The following IL1RAPL2 variants were observed in gnomAD, a reference collection of about 807,000 sequenced individuals.
The protein encoded by IL1RAPL2 is X-linked interleukin-1 receptor accessory protein-like 2.
Under a neutral mutation model 44.1 loss-of-function variants are expected in IL1RAPL2, and 3 were observed. That is an observed-to-expected ratio of 0.07 (90% CI 0.03 to 0.18). The LOEUF is 0.18. Ranked by LOEUF, IL1RAPL2 falls within the 10% of genes least tolerant of loss-of-function variation. The pLI is 1.00. For missense variants in IL1RAPL2, 391 were observed against 496.4 expected (o/e 0.79, Z 2.02); for synonymous variants, 181 against 178.8 (o/e 1.01, Z -0.10).
At chrX:105,564,096 T>C (rs1299980170) in intron 6 of IL1RAPL2, among the ~76,000 whole-genome samples, 1 of 111,556 alleles carries the variant, frequency 9.0e-6, no homozygotes, top group Non-Finnish European at 1.9e-5. Context: ...TCTCACTTCA[T>C]CCTCACAGGG....
At chrX:104,609,531 G>T (rs1239240463) in intron 1 of IL1RAPL2, among the ~76,000 whole-genome samples, 1 of 111,912 alleles carries the variant, frequency 8.9e-6, no homozygotes, top group Non-Finnish European at 1.9e-5. Context: ...CATATTTTTT[G>T]GATGCTTTGC....
intron 5 of IL1RAPL2, among the ~76,000 whole-genome samples, chrX:105,436,052 AAAAT>A (rs2035880305): frequency 8.9e-6 from 1 of 111,732 alleles, no homozygotes; most frequent in Non-Finnish European, 1.9e-5. Context: ...ACTTAAAATA[AAAAT>A]AAATAAATAA....
intron 5 of IL1RAPL2, among the ~76,000 whole-genome samples, chrX:105,419,514 G>A (rs2035759281): frequency 9.0e-6 from 1 of 111,700 alleles, no homozygotes; most frequent in Non-Finnish European, 1.9e-5. Flanking sequence ...ATTGAGAATG[G>A]GGATGTTGTT....
chrX:105,291,655 C>T (rs1013455749), intron 5 of IL1RAPL2, among the ~76,000 whole-genome samples: 5 of 111,355 alleles, frequency 4.5e-5, no homozygotes, highest in African/African-American at 1.6e-4. Context: ...CTTTCTGCCT[C>T]CAACTCCTTA....
intron 5 of IL1RAPL2, among the ~76,000 whole-genome samples, chrX:105,464,895 A>T (rs1234642481): frequency 9.0e-6 from 1 of 111,029 alleles, no homozygotes; most frequent in Non-Finnish European, 1.9e-5. Context: ...GACAATTTAG[A>T]CACCCCAGTT....
chrX:104,786,811 C>T (rs1218890819), intron 2 of IL1RAPL2, among the ~76,000 whole-genome samples: 1 of 110,785 alleles, frequency 9.0e-6, no homozygotes, highest in South Asian at 3.9e-4. Flanking sequence ...ATTTGAGGTG[C>T]TAAGGAAACC....
intron 2 of IL1RAPL2, among the ~76,000 whole-genome samples, chrX:105,100,179 T>C (rs931077728): frequency 2.8e-4 from 31 of 112,151 alleles, no homozygotes; most frequent in African/African-American, 8.7e-4. Flanking sequence ...TAGATCTGTA[T>C]GTAGACGAAA....
rs1323819195 is a variant in IL1RAPL2 at position 105,406,474 on chromosome X, A to G, written c.698-77839A>G. The G allele has an allele frequency of 2.5e-6, 3 of 1,197,113 alleles. No individual in the cohort carries two copies. The African/African-American group carries it at 5.3e-5, about 21-fold the overall frequency. On this transcript the variant is annotated intron_variant, in intron 5 of 10. Transcript: ENST00000372582. ...CTCAACCACCGGAGGATCATTCACCAATATCCCGAAAGGAATTTGTCCGAT... is the reference window on the plus strand; with the variant it reads ...CTCAACCACCGGAGGATCATTCACCGATATCCCGAAAGGAATTTGTCCGAT...
intron 5 of IL1RAPL2, among the ~76,000 whole-genome samples, chrX:105,336,629 A>G (rs756636807): frequency 5.9e-4 from 66 of 111,714 alleles, no homozygotes; most frequent in African/African-American, 2.0e-3. Flanking sequence ...CCTGGGTAGC[A>G]TCTCTCAGCA....
At chrX:105,077,424 G>C (rs937204473) in intron 2 of IL1RAPL2, among the ~76,000 whole-genome samples, 88 of 112,049 alleles carry the variant, frequency 7.9e-4, no homozygotes, top group Non-Finnish European at 1.5e-3. Context: ...CTGTTAGTCT[G>C]ATGGGCTTCC....
At chrX:105,361,240 T>C (rs778268333) in intron 5 of IL1RAPL2, among the ~76,000 whole-genome samples, 9 of 111,133 alleles carry the variant, frequency 8.1e-5, no homozygotes, top group Non-Finnish European at 1.5e-4. Flanking sequence ...GATGCTGATA[T>C]AAGGGGGAAA....
intron 5 of IL1RAPL2, among the ~76,000 whole-genome samples, chrX:105,447,660 A>ATATTT (rs2035978416): frequency 1.2e-5 from 1 of 80,012 alleles, no homozygotes; most frequent in African/African-American, 5.1e-5. Context: ...AATATAAATA[A>ATATTT]ATATAAATAT....
chrX:104,815,396 C>T (rs1025988999), intron 2 of IL1RAPL2, among the ~76,000 whole-genome samples: 1 of 110,786 alleles, frequency 9.0e-6, no homozygotes, highest in African/African-American at 3.3e-5. Context: ...TGCCTGAATT[C>T]CTTGGACTGT....
intron 6 of IL1RAPL2, among the ~76,000 whole-genome samples, chrX:105,630,495 C>A (rs1334714482): frequency 1.2e-5 from 1 of 84,417 alleles, no homozygotes; most frequent in Non-Finnish European, 2.2e-5. Flanking sequence ...GCTTCAAATT[C>A]AGAGCTTTTT....
chrX:105,317,991 A>ATTTTG (rs1359620765), intron 5 of IL1RAPL2, among the ~76,000 whole-genome samples: 1 of 106,963 alleles, frequency 9.3e-6, no homozygotes, highest in East Asian at 2.9e-4. Flanking sequence ...TTTTTTTTTA[A>ATTTTG]AGACGAAGTC....
intron 2 of IL1RAPL2, among the ~76,000 whole-genome samples, chrX:104,730,027 T>C (rs1039872316): frequency 9.0e-6 from 1 of 110,784 alleles, no homozygotes; most frequent in Non-Finnish European, 1.9e-5. Context: ...GGAAAAAATA[T>C]TTAAAGCAAA....
chrX:105,313,049 T>C (rs1437385962), intron 5 of IL1RAPL2, among the ~76,000 whole-genome samples: 1 of 111,691 alleles, frequency 9.0e-6, no homozygotes, highest in East Asian at 2.8e-4. Context: ...TTGAAATTTG[T>C]GTTCATTCAA....
At chrX:105,240,546 TC>T (rs1321189306) in intron 4 of IL1RAPL2, among the ~76,000 whole-genome samples, 1 of 111,983 alleles carries the variant, frequency 8.9e-6, no homozygotes, top group Non-Finnish European at 1.9e-5. Context: ...AGAGTGCTTT[TC>T]AGGGTCCTTT....
At chrX:104,690,586 G>A (rs778788921) in intron 2 of IL1RAPL2, among the ~76,000 whole-genome samples, 3 of 112,258 alleles carry the variant, frequency 2.7e-5, no homozygotes, top group African/African-American at 9.7e-5. Flanking sequence ...CTCCTTAAGA[G>A]GCAACTTGAA....
Sources: gnomAD v4.1 joint callset for allele counts (sites outside exome capture counted in the v4.1 genomes callset) on GRCh38, gnomAD v4.1.1 for gene constraint, MANE v1.5 for transcripts, NCBI Gene and HGNC (gene_info 2026-07-23, HGNC 2026-07-21) for gene names.